The following SSPN variants were observed in gnomAD, a reference collection of about 807,000 sequenced individuals.
SSPN encodes sarcospan.
Under a neutral mutation model 19.1 loss-of-function variants are expected in SSPN, and 15 were observed. The observed-to-expected ratio is 0.78, with a 90% CI of 0.52 to 1.21. SSPN has a LOEUF of 1.21. Among genes scored for constraint, SSPN ranks in the 50% most tolerant of loss-of-function variants. The pLI is 0.00. For synonymous variants in SSPN, 147 were observed against 140.3 expected (o/e 1.05, Z -0.34); for missense variants, 291 against 314.0 (o/e 0.93, Z 0.55).
At chr12:26,161,758 G>A (rs116567540) in intron 1 of SSPN, among the ~76,000 whole-genome samples, 1,766 of 152,246 alleles carry the variant, frequency 0.012, 33 homozygotes, top group African/African-American at 0.039. Flanking sequence ...GGATGAAACT[G>A]TTCCAACTCC....
chr12:26,191,541 G>A, upstream of SSPN, among the ~76,000 whole-genome samples: 1 of 152,034 alleles, frequency 6.6e-6, no homozygotes, highest in Non-Finnish European at 1.5e-5. Context: ...TATTTAACTT[G>A]AAAATACAAA....
At chr12:26,207,767 G>A (rs755710092) in intron 1 of SSPN, among the ~76,000 whole-genome samples, 3 of 152,284 alleles carry the variant, frequency 2.0e-5, no homozygotes, top group South Asian at 2.1e-4. Context: ...AGGCCAAGGC[G>A]GGAGGATTGC....
At chr12:26,189,446 C>T (rs1260136902) in intron 1 of SSPN, among the ~76,000 whole-genome samples, 2 of 152,186 alleles carry the variant, frequency 1.3e-5, no homozygotes, top group African/African-American at 4.8e-5. Context: ...TATAGTCTTA[C>T]ATTCTTTCCT....
At chr12:26,123,699 A>C in intron 1 of SSPN, 1 of 1,614,140 alleles carries the variant, frequency 6.2e-7, no homozygotes, top group Non-Finnish European at 8.5e-7. Flanking sequence ...AAGTGTTTCA[A>C]AGTTAATTCC....
At chr12:26,222,808 T>C (rs969409113) in intron 1 of SSPN, among the ~76,000 whole-genome samples, 1 of 152,260 alleles carries the variant, frequency 6.6e-6, no homozygotes, top group African/African-American at 2.4e-5. Context: ...GCTGTTTCTC[T>C]GGCCAGCCTT....
At position 26,230,729 on chromosome 12, in the gene SSPN, A is replaced by C; in HGVS notation, c.385A>C (p.Ser129Arg). ...CTTGCAGCTGTTATACTTTCTGCTG[A>C]GTGCCCTGGGCCTGACGGTCTGTGT... ...FSMKLLYFLL[S>R]ALGLTVCVLA... Residue 129 changes from serine (S) to arginine (R), a missense_variant, in exon 3 of 3, where the codon AGT becomes CGT. Ser to Arg is a moderately radical substitution (Grantham distance 110). Transcript: ENST00000242729. The C allele has an allele frequency of 2.5e-6, 4 of 1,611,120 alleles. No individual in the cohort carries two copies. The African/African-American group carries it at 5.3e-5, about 21-fold the overall frequency.
upstream of SSPN, among the ~76,000 whole-genome samples, chr12:26,191,677 TACACACACAC>T (rs10525695): frequency 2.6e-3 from 395 of 149,108 alleles, no homozygotes; most frequent in African/African-American, 4.8e-3. Flanking sequence ...TAATTTGTTC[TACACACACAC>T]ACACACACAC....
At chr12:26,177,748 T>C (rs767010929) in intron 1 of SSPN, among the ~76,000 whole-genome samples, 1 of 152,154 alleles carries the variant, frequency 6.6e-6, no homozygotes, top group Non-Finnish European at 1.5e-5. Flanking sequence ...TGTCATATGA[T>C]CTGTCTGACA....
At chr12:26,153,971 A>G (rs1048465713) in intron 1 of SSPN, among the ~76,000 whole-genome samples, 1 of 152,224 alleles carries the variant, frequency 6.6e-6, no homozygotes, top group African/African-American at 2.4e-5. Flanking sequence ...GTTCTGCTCA[A>G]TGAAAGAACT....
chr12:26,208,522 G>C (rs1284475450), intron 1 of SSPN, among the ~76,000 whole-genome samples: 1 of 151,598 alleles, frequency 6.6e-6, no homozygotes, highest in Non-Finnish European at 1.5e-5. Context: ...ATCTTTTTCT[G>C]GTTGGTATCA....
chr12:26,194,167 C>T (rs961746165), upstream of SSPN, among the ~76,000 whole-genome samples: 5 of 152,212 alleles, frequency 3.3e-5, no homozygotes, highest in South Asian at 2.1e-4. Context: ...TTAGTGGTTT[C>T]GCTGAAATTT....
chr12:26,196,435 T>G (rs192421112), intron 1 of SSPN, among the ~76,000 whole-genome samples: 76 of 152,300 alleles, frequency 5.0e-4, no homozygotes, highest in Admixed American at 1.0e-3. Flanking sequence ...AAACTGAGGC[T>G]CCATTAGTAA....
In SSPN at chr12:26,195,881, TG is replaced by T; in HGVS notation, c.212del (p.Gly71AlafsTer12). The T allele has an allele frequency of 6.3e-7, 1 of 1,575,680 alleles. No individual in the cohort carries two copies. The highest frequency in any genetic ancestry group is 8.6e-7 in the Non-Finnish European group (1 of 1,164,250). ...GCCCTGGGCATCGCCGTGACCGTGGTGGGCTTCCTCATGGCGAGCATCAGCT... is the reference window on the plus strand; with the variant it reads ...GCCCTGGGCATCGCCGTGACCGTGGTGGCTTCCTCATGGCGAGCATCAGCT... ...QLALGIAVTV[V>X]GFLMASISSS... On this transcript the variant is annotated frameshift_variant, in exon 1 of 3. Transcript: ENST00000242729. LOFTEE classifies it high-confidence loss of function.
chr12:26,168,319 A>C (rs1406861181), intron 1 of SSPN, among the ~76,000 whole-genome samples: 1 of 152,208 alleles, frequency 6.6e-6, no homozygotes, highest in Admixed American at 6.5e-5. Context: ...TGTTATGCAC[A>C]TAGGGCATCT....
chr12:26,201,359 C>T (rs1426750110), intron 1 of SSPN, among the ~76,000 whole-genome samples: 1 of 147,808 alleles, frequency 6.8e-6, no homozygotes, highest in Non-Finnish European at 1.5e-5. Flanking sequence ...GCCTGGGCAA[C>T]AGAGTGAGAC....
intron 1 of SSPN, among the ~76,000 whole-genome samples, chr12:26,198,624 A>G (rs530282672): frequency 6.6e-6 from 1 of 152,330 alleles, no homozygotes; most frequent in Non-Finnish European, 1.5e-5. Flanking sequence ...TTGCAAAACT[A>G]TCATTTTTGA....
intron 1 of SSPN, among the ~76,000 whole-genome samples, chr12:26,176,374 G>C (rs1303813750): frequency 6.6e-6 from 1 of 152,198 alleles, no homozygotes; most frequent in Non-Finnish European, 1.5e-5. Flanking sequence ...GGGAGACTAT[G>C]AGAGATGGCC....
intron 1 of SSPN, among the ~76,000 whole-genome samples, chr12:26,155,189 T>G (rs1247939443): frequency 6.6e-6 from 1 of 152,208 alleles, no homozygotes; most frequent in Admixed American, 6.5e-5. Flanking sequence ...AGAAAGGCCA[T>G]TGGGTAACAC....
rs1338954808 is a variant in SSPN, at chr12:26,233,604, T to C, written c.*2528T>C. 1.3e-5 allele frequency: 2 copies of C among 152,164 alleles called. No homozygotes were observed. Among genetic ancestry groups the C allele is most frequent in the Non-Finnish European group, 2.9e-5 (2 of 68,032 alleles). 9.4% of individuals were successfully genotyped at this position (152,164 alleles called of 1,614,324 possible). ...ATTTTGATGTTGTGTTTTGCAAATA[T>C]TGAAGTTACAATAATGGCAACAGAA... On this transcript the variant is annotated 3_prime_UTR_variant, in exon 3 of 3. Coordinates refer to ENST00000242729, the MANE Select transcript of SSPN (RefSeq NM_005086.5). This position sits in a 1 kb window ranked among gnomAD's most constrained non-coding sequence, Gnocchi z 4.3.
Sources: allele counts gnomAD v4.1 joint callset (sites outside exome capture counted in the v4.1 genomes callset), GRCh38; gene constraint gnomAD v4.1.1; non-coding constraint Gnocchi (gnomAD v3.1); transcripts MANE v1.5; gene names NCBI Gene and HGNC (gene_info 2026-07-23, HGNC 2026-07-21).